SYNRG: variants seen among roughly 807,000 people sequenced by gnomAD.
The protein encoded by SYNRG is synergin gamma, also known as AP1 gamma subunit binding protein 1.
SYNRG carries 37 observed loss-of-function variants against 130.9 expected under a neutral mutation model. The observed-to-expected ratio is 0.28, with a 90% confidence interval of 0.22 to 0.37. The LOEUF (loss-of-function observed/expected upper bound fraction) is 0.37. Among genes scored for constraint, SYNRG ranks in the 10% least tolerant of loss-of-function variants. SYNRG has a pLI of 1.00. For missense variants in SYNRG, 1,338 were observed against 1,588.9 expected, an observed-to-expected ratio of 0.84 and a Z score of 2.68; for synonymous variants, 539 against 568.1, an observed-to-expected ratio of 0.95 and a Z score of 0.73.
At chr17:37,574,002 C>A (rs1344959071) in intron 8 of SYNRG, among the ~76,000 whole-genome samples, 1 of 152,142 alleles carries the variant, frequency 6.6e-6, no homozygotes, top group African/African-American at 2.4e-5. Context: ...TATTACCTGA[C>A]TTCAAATTAT....
chr17:37,598,359 A>T (rs2062961427), intron 2 of SYNRG, among the ~76,000 whole-genome samples: 1 of 152,252 alleles, frequency 6.6e-6, no homozygotes, highest in African/African-American at 2.4e-5. Context: ...ATTCCAGACC[A>T]AAGAACACCA....
chr17:37,607,974 A>AAAAAAAC (rs2063943555), intron 1 of SYNRG, among the ~76,000 whole-genome samples: 1 of 150,546 alleles, frequency 6.6e-6, no homozygotes, highest in African/African-American at 2.4e-5. Context: ...AAAAAAAAAA[A>AAAAAAAC]AAAAAACAAG....
At chr17:37,555,978 G>A (rs1472959798) in intron 13 of SYNRG, among the ~76,000 whole-genome samples, 1 of 152,068 alleles carries the variant, frequency 6.6e-6, no homozygotes, top group Non-Finnish European at 1.5e-5. Flanking sequence ...AAAAATGACT[G>A]CCATTTCTGG....
intron 14 of SYNRG, among the ~76,000 whole-genome samples, chr17:37,544,887 G>A (rs2058131535): frequency 6.6e-6 from 1 of 152,010 alleles, no homozygotes; most frequent in Admixed American, 6.6e-5. Flanking sequence ...ACTATATTAG[G>A]AACTGCTTCC....
chr17:37,600,079 A>G (rs978110225), intron 2 of SYNRG, among the ~76,000 whole-genome samples: 4 of 152,214 alleles, frequency 2.6e-5, no homozygotes, highest in Admixed American at 2.6e-4. Flanking sequence ...GTTCTTTAAC[A>G]TTCTTGTCCT....
chr17:37,575,675 T>C (rs2060771508), intron 8 of SYNRG, among the ~76,000 whole-genome samples: 1 of 151,562 alleles, frequency 6.6e-6, no homozygotes, highest in Non-Finnish European at 1.5e-5. Context: ...ACCCCGTCTC[T>C]ACAAAAAAAT....
At chr17:37,596,988 C>T (rs2062832539) in intron 2 of SYNRG, among the ~76,000 whole-genome samples, 1 of 152,102 alleles carries the variant, frequency 6.6e-6, no homozygotes, top group Non-Finnish European at 1.5e-5. Flanking sequence ...CCTCAACACC[C>T]GCCTCAGCCT....
In SYNRG at chr17:37,540,475, C is replaced by T. The variant is rs2057643746; in HGVS notation, c.3271G>A (p.Glu1091Lys). 1 of 1,613,942 alleles carries T rather than the reference C, an allele frequency of 6.2e-7. No homozygotes were observed. Among genetic ancestry groups the T allele is most frequent in the Non-Finnish European group, 8.5e-7 (1 of 1,179,998 alleles). Residue 1091 changes from glutamate (E) to lysine (K), a missense_variant, in exon 16 of 22, where the codon GAG becomes AAG. Physicochemically the swap from Glu to Lys is moderately conservative, Grantham distance 56. Transcript: ENST00000612223. The part of the protein sequence containing the change: ...ISRSSPSPAL[E>K]QPFRDRSNTL... ...TTGGAACGGTCTCTGAAAGGCTGCT[C>T]CAAAGCTGGAGAAGGAGAAGAACGG...
rs180921939 is a variant in SYNRG at position 37,541,819 on chromosome 17, C to G, written c.3202+153G>C. The G allele has an allele frequency of 2.3e-3, 1,743 of 765,600 alleles. 5 individuals carry two copies. Among genetic ancestry groups the G allele is most frequent in the Non-Finnish European group, 3.1e-3 (1,501 of 484,498 alleles). The allele number at this position is 765,600 out of a possible 1,614,324, so 47.4% of individuals were successfully genotyped here. On this transcript the variant is annotated intron_variant, in intron 15 of 21. Coordinates refer to ENST00000612223, the MANE Select transcript of SYNRG (RefSeq NM_007247.6). The stretch of plus-strand genomic sequence containing the variant: ...ATTTTGACTCCCGTCTCAGGGAAAT[C>G]TTTATTATAGCTATCTGTAATTGAC...
At chr17:37,583,052 G>A (rs548825402) in intron 6 of SYNRG, among the ~76,000 whole-genome samples, 1 of 151,154 alleles carries the variant, frequency 6.6e-6, no homozygotes, top group Non-Finnish European at 1.5e-5. Flanking sequence ...GTGCAGTGGC[G>A]CAGTCTCGAC....
chr17:37,553,099 C>T lies in SYNRG; in HGVS notation c.2608+16G>A. ...TCTACAACACCATCACCAGAGCAAT[C>T]TCACCAATTCCTCACCTGCAGCAGG... On this transcript the variant is annotated intron_variant, in intron 14 of 21. Transcript: ENST00000612223. 1 of 1,602,208 alleles carries T rather than the reference C, an allele frequency of 6.2e-7. No homozygotes were observed.
chr17:37,561,287 A>T (rs373793919), intron 12 of SYNRG, 30 bp from the exon 13 acceptor site: 3 of 1,606,512 alleles, frequency 1.9e-6, no homozygotes, highest in African/African-American at 2.7e-5. Flanking sequence ...AGCTCAGTTA[A>T]GGTTAGGAAT....
chr17:37,561,623 T>C, intron 11 of SYNRG, 34 bp from the exon 12 acceptor site: 1 of 1,476,288 alleles, frequency 6.8e-7, no homozygotes. Context: ...TTGATGACAT[T>C]GAATCCCTCC....
intron 13 of SYNRG, among the ~76,000 whole-genome samples, chr17:37,554,795 C>A (rs2058980363): frequency 6.6e-6 from 1 of 152,124 alleles, no homozygotes; most frequent in East Asian, 1.9e-4. Flanking sequence ...AGCTGTCTCA[C>A]TGTATCAATG....
chr17:37,553,265 C>T lies in SYNRG; in HGVS notation c.2458G>A (p.Gly820Ser), dbSNP rs2058841225. The change falls in exon 14 of 22, where the codon GGC (glycine) becomes AGC (serine). Residue 820 changes from glycine (G) to serine (S), a missense_variant. Physicochemically the swap from Gly to Ser is moderately conservative, Grantham distance 56. This residue lies in a region of SYNRG where 1,146 missense variants were observed against 1,342.3 expected (regional missense o/e 0.85). Transcript: ENST00000612223. ...VKSLDLPSIG[G>S]SSVGKEDSED... ...GAGTCCTCCTTGCCAACACTGCTGC[C>T]ACCAATGGAAGGGAGATCTAAGGAC... The T allele has an allele frequency of 1.9e-6, 3 of 1,613,912 alleles. No homozygotes were observed. The highest frequency in any genetic ancestry group is 3.3e-5 in the Admixed American group (2 of 59,910).
chr17:37,529,869 G>T, intron 19 of SYNRG: 1 of 1,550,904 alleles, frequency 6.4e-7, no homozygotes, highest in Non-Finnish European at 8.7e-7. Flanking sequence ...AGAAGAGATG[G>T]GTGGCTGATT....
intron 10 of SYNRG, 104 bp downstream of exon 10, chr17:37,570,533 G>A: frequency 7.2e-7 from 1 of 1,389,526 alleles, no homozygotes; most frequent in Non-Finnish European, 9.5e-7. Context: ...GAATTTAAAT[G>A]TGCTCACCAT....
intron 2 of SYNRG, among the ~76,000 whole-genome samples, chr17:37,600,007 G>A (rs1486794080): frequency 6.6e-6 from 1 of 152,128 alleles, no homozygotes; most frequent in African/African-American, 2.4e-5. Flanking sequence ...TCTAGCAGAA[G>A]ACTAGATAGA....
At chr17:37,540,817 T>G (rs200925046) in intron 15 of SYNRG, 1 of 544,534 alleles carries the variant, frequency 1.8e-6, no homozygotes, top group Non-Finnish European at 2.4e-6. Flanking sequence ...GTATTTTTAG[T>G]AGATACACGG....
Sources: allele counts gnomAD v4.1 joint callset (sites outside exome capture counted in the v4.1 genomes callset), GRCh38; gene constraint gnomAD v4.1.1; regional missense constraint gnomAD v4.1.1; transcripts MANE v1.5; gene names NCBI Gene and HGNC (gene_info 2026-07-23, HGNC 2026-07-21).